The following TYSND1 variants were observed in gnomAD, a reference collection of about 807,000 sequenced individuals.
TYSND1 encodes the protein peroxisomal leader peptide-processing protease.
In TYSND1, 30 loss-of-function variants were observed where a neutral mutation model predicts 37.2. The observed-to-expected ratio is 0.81, with a 90% CI of 0.60 to 1.09. The LOEUF is 1.09. Ranked by LOEUF, TYSND1 falls within the 50% of genes least tolerant of loss-of-function variation. The pLI is 0.00. For synonymous variants in TYSND1, 364 were observed against 383.8 expected (o/e 0.95, Z 0.60); for missense variants, 806 against 817.4 (o/e 0.99, Z 0.17).
chr10:70,145,098 T>A (rs1161610494), intron 1 of TYSND1, among the ~76,000 whole-genome samples: 1 of 152,056 alleles, frequency 6.6e-6, no homozygotes, highest in East Asian at 1.9e-4. Context: ...CCGAGGGGTA[T>A]GGCGTGCAGG....
Position 70,146,622 on chromosome 10 carries a change from A to AC in TYSND1, c.-37_-36insG, listed in dbSNP as rs2136701187. 1 of 1,470,234 alleles carries AC rather than the reference A, an allele frequency of 6.8e-7. No individual in the cohort carries two copies. Among genetic ancestry groups the AC allele is most frequent in the South Asian group, 1.3e-5 (1 of 74,636 alleles). The allele number at this position is 1,470,234 out of a possible 1,614,324, so 91.1% of individuals were successfully genotyped here. On this transcript the variant is annotated 5_prime_UTR_variant, in exon 1 of 4. Transcript: ENST00000287078. ...CCGGACACTCGGGAGCTTCTCCGAGAAACAGCAAGCTAGCGAGCGAGGACC... is the reference window on the plus strand; with the variant it reads ...CCGGACACTCGGGAGCTTCTCCGAGACAACAGCAAGCTAGCGAGCGAGGACC...
chr10:70,145,720 T>C lies in TYSND1; in HGVS notation c.867A>G (p.Glu289=), dbSNP rs1410009241. 5 of 1,414,226 alleles carry C rather than the reference T, an allele frequency of 3.5e-6. No individual in the cohort carries two copies. The highest frequency in any genetic ancestry group is 1.5e-5 in the African/African-American group (1 of 65,710). 87.6% of individuals were successfully genotyped at this position (1,414,226 alleles called of 1,614,324 possible). The change falls in exon 1 of 4, where the codon GAA becomes GAG. Residue 289 remains glutamate (E), a synonymous_variant. Coordinates refer to ENST00000287078, the MANE Select transcript of TYSND1 (RefSeq NM_173555.4). ...CGCAGAGCAGCGTGAAGCCCACCCA[T>C]TCGCCGGCCTTCCAACAGAGCGGCG... ...VVAPLCWKAG[E]WVGFTLLCAA... is the part of the protein sequence containing the mutation.
chr10:70,144,160 C>T (rs573096363), intron 1 of TYSND1, 188 bp from the exon 2 acceptor site: 50 of 688,610 alleles, frequency 7.3e-5, no homozygotes, highest in Middle Eastern at 3.8e-4. Flanking sequence ...ACAAACTGTG[C>T]TACTTCTCTA....
chr10:70,140,263 G>T, intron 3 of TYSND1, 122 bp from the exon 4 acceptor site: 1 of 726,438 alleles, frequency 1.4e-6, no homozygotes, highest in Non-Finnish European at 2.3e-6. Flanking sequence ...ACCACCCCAC[G>T]TGGTGACAGA....
At chr10:70,143,718 G>C in intron 2 of TYSND1, 124 bp downstream of exon 2, 1 of 1,203,954 alleles carries the variant, frequency 8.3e-7, no homozygotes, top group South Asian at 1.5e-5. Flanking sequence ...AAGGGAGGCA[G>C]GCCTCCAAGG....
In TYSND1 at chr10:70,140,044, C is replaced by T. The variant is rs775236896; in HGVS notation, c.1581G>A (p.Gln527=). 2 of 1,614,100 alleles carry T rather than the reference C, an allele frequency of 1.2e-6. No homozygotes were observed. The highest frequency in any genetic ancestry group is 1.7e-5 in the Admixed American group (1 of 60,012). ...CTAGGTCTTGGGTCTGGCTGTACTG[C>T]TGCAGGGCCGGCTGGAGCACCGTGA... The part of the protein sequence containing the change: ...IPITVLQPAL[Q]QYSQTQDLGG... Residue 527 remains glutamine (Q), a synonymous_variant, in exon 4 of 4, where the codon CAG becomes CAA. Transcript: ENST00000287078.
intron 2 of TYSND1, 91 bp from the exon 3 acceptor site, chr10:70,142,944 A>T: frequency 7.1e-7 from 1 of 1,404,442 alleles, no homozygotes; most frequent in Non-Finnish European, 9.8e-7. Flanking sequence ...CTCTCCAAAC[A>T]TTCCAAACCT....
At position 70,145,986 on chromosome 10, in the gene TYSND1, GCTC is replaced by G. The variant is rs1307791648; in HGVS notation, c.598_600del (p.Glu200del). On this transcript the variant is annotated inframe_deletion, in exon 1 of 4. Coordinates refer to ENST00000287078, the MANE Select transcript of TYSND1 (RefSeq NM_173555.4). ...GGCGACACCGCCATGGCTGGCCCGC[GCTC>G]CTCCTCCACCTCCTCCTGGCCTAGC... is the stretch of plus-strand genomic sequence containing the variant. The G allele has an allele frequency of 6.3e-7, 1 of 1,575,922 alleles. No individual in the cohort carries two copies. The highest frequency in any genetic ancestry group is 2.4e-5 in the East Asian group (1 of 42,156).
rs2394647 is a variant in TYSND1, at chr10:70,138,599, C to T, written c.*1325G>A. Reference sequence around the variant, plus strand: ...AAGAGTTGGCCTCAGCTCCTGGGGGCTGCCCTGGCCTCATTCACCCTTGAA... The same window carrying T: ...AAGAGTTGGCCTCAGCTCCTGGGGGTTGCCCTGGCCTCATTCACCCTTGAA... On this transcript the variant is annotated 3_prime_UTR_variant, in exon 4 of 4. Coordinates refer to ENST00000287078, the MANE Select transcript of TYSND1 (RefSeq NM_173555.4). The T allele has an allele frequency of 0.92, 140,848 of 152,304 alleles. 65,221 individuals carry two copies. Among genetic ancestry groups the T allele is most frequent in the East Asian group, 0.99 (5,098 of 5,148 alleles). The allele number at this position is 152,304 out of a possible 1,614,324, so 9.4% of individuals were successfully genotyped here.
chr10:70,143,992 A>G lies in TYSND1; in HGVS notation c.1167-20T>C, dbSNP rs766995120. The G allele has an allele frequency of 3.7e-6, 6 of 1,613,734 alleles. No homozygotes were observed. The East Asian group carries it at 1.3e-4, about 36-fold the overall frequency. The stretch of plus-strand genomic sequence containing the variant: ...ACACTCCTGGGAGCAAGGGAAACAA[A>G]TGACAGGCTAGCTTTCTGACTCCTC... On this transcript the variant is annotated intron_variant, in intron 1 of 3. Coordinates refer to ENST00000287078, the MANE Select transcript of TYSND1 (RefSeq NM_173555.4).
rs532080046 is a variant in TYSND1, at chr10:70,145,591, C to A, written c.996G>T (p.Trp332Cys). Residue 332 changes from tryptophan (W) to cysteine (C), a missense_variant, in exon 1 of 4, where the codon TGG becomes TGT. Physicochemically the swap from Trp to Cys is radical, Grantham distance 215. Coordinates refer to ENST00000287078, the MANE Select transcript of TYSND1 (RefSeq NM_173555.4). ...ALLPPEVGVP[W>C]GLPLRDSGPL... is the part of the protein sequence containing the mutation. ...GCCCGGAGTCTCGGAGGGGCAGACC[C>A]CACGGGACGCCCACCTCTGGCGGCA... The A allele has an allele frequency of 6.0e-4, 873 of 1,453,444 alleles. No individual in the cohort carries two copies. Among genetic ancestry groups the A allele is most frequent in the Non-Finnish European group, 7.7e-4 (851 of 1,107,674 alleles). The allele number at this position is 1,453,444 out of a possible 1,614,324, so 90.0% of individuals were successfully genotyped here. A position where few individuals can be genotyped will look rare whatever the true frequency, so the allele number is the denominator to read the frequency against.
chr10:70,140,816 C>T (rs1388063187), intron 3 of TYSND1, among the ~76,000 whole-genome samples: 1 of 152,154 alleles, frequency 6.6e-6, no homozygotes, highest in African/African-American at 2.4e-5. Context: ...CCACTAATGT[C>T]CTTTTTCAGT....
Position 70,139,965 on chromosome 10 carries a change from A to T in TYSND1, c.1660T>A (p.Leu554Met), listed in dbSNP as rs2072736033. The change falls in exon 4 of 4, where the codon TTG becomes ATG. Residue 554 changes from leucine to methionine, a missense_variant. This residue lies in a region of TYSND1 where 708 missense variants were observed against 705.4 expected (regional missense o/e 1.00). Coordinates refer to ENST00000287078, the MANE Select transcript of TYSND1 (RefSeq NM_173555.4). ...GGGGCCTCTGCCAGGGGCCGCTGCA[A>T]CCGCCACACCACCCTGACTGGCTCA... ...AAEPVRVVWR[L>M]QRPLAEAPRS... 1 of 1,613,660 alleles carries T rather than the reference A, an allele frequency of 6.2e-7. No individual in the cohort carries two copies. The highest frequency in any genetic ancestry group is 8.5e-7 in the Non-Finnish European group (1 of 1,179,912).
At chr10:70,144,793 C>T in intron 1 of TYSND1, 6 of 985,530 alleles carry the variant, frequency 6.1e-6, no homozygotes, top group Non-Finnish European at 7.2e-6. Flanking sequence ...CAAAACTGGG[C>T]AGTGTTACCC....
Position 70,145,640 on chromosome 10 carries a change from C to A in TYSND1, c.947G>T (p.Ser316Ile). Residue 316 changes from serine to isoleucine, a missense_variant, in exon 1 of 4, where the codon AGC becomes ATC. Coordinates refer to ENST00000287078, the MANE Select transcript of TYSND1 (RefSeq NM_173555.4). The stretch of plus-strand genomic sequence containing the variant: ...CAGAAGGGCGGCCAGGGCAGCGGTG[C>A]TGTGCGGCAGGCGGTGAAGCGCGTC... ...ARDALHRLPH[S>I]TAALAALLPP... The A allele has an allele frequency of 7.1e-7, 1 of 1,411,262 alleles. No homozygotes were observed. The allele number at this position is 1,411,262 out of a possible 1,614,324, so 87.4% of individuals were successfully genotyped here.
rs1482322571 is a variant in TYSND1, at chr10:70,139,835, G to A, written c.*89C>T. 8.2e-6 allele frequency: 11 copies of A among 1,339,216 alleles called. No individual in the cohort carries two copies. Among genetic ancestry groups the A allele is most frequent in the African/African-American group, 2.9e-5 (2 of 69,278 alleles). 83.0% of individuals were successfully genotyped at this position (1,339,216 alleles called of 1,614,324 possible). A position where few individuals can be genotyped will look rare whatever the true frequency, so the allele number is the denominator to read the frequency against. ...GCAGCCTGGGCCCCTGCAGGGGCTG[G>A]GCCCTGAATCCTGAGGCCACCGTCA... On this transcript the variant is annotated 3_prime_UTR_variant, in exon 4 of 4. Transcript: ENST00000287078.
Position 70,146,446 on chromosome 10 carries a change from AAG to A in TYSND1, c.139_140del (p.Cys48ProfsTer85). On this transcript the variant is annotated frameshift_variant, in exon 1 of 4. Coordinates refer to ENST00000287078, the MANE Select transcript of TYSND1 (RefSeq NM_173555.4). LOFTEE classifies it high-confidence loss of function. Reference sequence around the variant, plus strand: ...AGGGGACGAAGATGCCCCCGTGGCAAAGCACCAGGCCCGGGCTACGGCTCAGG... The same window carrying A: ...AGGGGACGAAGATGCCCCCGTGGCAACACCAGGCCCGGGCTACGGCTCAGG... ...VILSRSPGLV[L>X]CHGGIFVPFL... is the part of the protein sequence containing the mutation. 6.2e-7 allele frequency: 1 copy of A among 1,603,808 alleles called. No homozygotes were observed. The highest frequency in any genetic ancestry group is 8.5e-7 in the Non-Finnish European group (1 of 1,178,678).
chr10:70,145,118 C>T (rs932926807), intron 1 of TYSND1, among the ~76,000 whole-genome samples: 1 of 152,152 alleles, frequency 6.6e-6, no homozygotes, highest in Non-Finnish European at 1.5e-5. Flanking sequence ...GGCTATCAGA[C>T]AGTGAAGCTG....
At position 70,139,292 on chromosome 10, in the gene TYSND1, G is replaced by A. The variant is rs916476353; in HGVS notation, c.*632C>T. The A allele has an allele frequency of 2.6e-5, 4 of 152,684 alleles. No individual in the cohort carries two copies. Among genetic ancestry groups the A allele is most frequent in the African/African-American group, 9.6e-5 (4 of 41,454 alleles). The allele number at this position is 152,684 out of a possible 1,614,324, so 9.5% of individuals were successfully genotyped here. On this transcript the variant is annotated 3_prime_UTR_variant, in exon 4 of 4. Transcript: ENST00000287078. ...TCCCTGAGACCCAGGCTGTGGGCTG[G>A]AAAATGAAGGCACAGTGTCAAGAGC...
Sources: allele counts gnomAD v4.1 joint callset (sites outside exome capture counted in the v4.1 genomes callset), GRCh38; gene constraint gnomAD v4.1.1; regional missense constraint gnomAD v4.1.1; transcripts MANE v1.5; gene names NCBI Gene and HGNC (gene_info 2026-07-23, HGNC 2026-07-21).